UBL3: variants seen among roughly 807,000 people sequenced by gnomAD.
UBL3 encodes the protein ubiquitin like 3.
In UBL3, 6 loss-of-function variants were observed where a neutral mutation model predicts 18.4. The ratio of observed to expected loss-of-function variants is 0.33; its 90% CI spans 0.18 to 0.64. UBL3 has a LOEUF of 0.64. Among genes scored for constraint, UBL3 ranks in the 30% least tolerant of loss-of-function variants. The probability of loss-of-function intolerance (pLI) is 0.76; values close to 1 mark genes in which losing one functional copy is unlikely to be tolerated. For synonymous variants in UBL3, 49 were observed against 46.6 expected (o/e 1.05, Z -0.21); for missense variants, 109 against 142.9 (o/e 0.76, Z 1.21).
rs1879094712 is a variant in UBL3, at chr13:29,841,344, A to C, written c.27+8168T>G. On this transcript the variant is annotated intron_variant, in intron 1 of 4. Coordinates refer to ENST00000380680, the MANE Select transcript of UBL3 (RefSeq NM_007106.4). ...AAAACAAAATGCCCCGAAATCACTA[A>C]ATCCTTTACAAGTCAATCTATTTGT... Among the ~76,000 whole-genome samples, 3 of 152,202 alleles carry C rather than the reference A, an allele frequency of 2.0e-5. No individual in the cohort carries two copies. In the South Asian group the frequency reaches 6.2e-4, roughly 32 times the overall value.
chr13:29,800,539 CAT>C (rs1322705729), intron 1 of UBL3, among the ~76,000 whole-genome samples: 4 of 152,066 alleles, frequency 2.6e-5, no homozygotes, highest in South Asian at 2.1e-4. Context: ...AAAGCTATGA[CAT>C]ATAAAAATGT....
chr13:29,802,051 A>G (rs1276485959), intron 1 of UBL3, among the ~76,000 whole-genome samples: 1 of 152,188 alleles, frequency 6.6e-6, no homozygotes, highest in African/African-American at 2.4e-5. Context: ...AGGAGCCCAC[A>G]CTTTCAGAGC....
At chr13:29,846,416 A>T (rs184428039) in intron 1 of UBL3, among the ~76,000 whole-genome samples, 1 of 152,244 alleles carries the variant, frequency 6.6e-6, no homozygotes, top group African/African-American at 2.4e-5. Flanking sequence ...CAGCAAATCC[A>T]TTCACTACGG....
At chr13:29,781,863 T>C (rs926077240) in intron 1 of UBL3, among the ~76,000 whole-genome samples, 1 of 140,262 alleles carries the variant, frequency 7.1e-6, no homozygotes, top group Admixed American at 7.2e-5. Flanking sequence ...CCAGGTGTGG[T>C]GGCACATGCC....
chr13:29,796,399 T>G (rs1466861671), intron 1 of UBL3, among the ~76,000 whole-genome samples: 1 of 152,210 alleles, frequency 6.6e-6, no homozygotes, highest in African/African-American at 2.4e-5. Flanking sequence ...TAAACTGCAA[T>G]TATAAATTAA....
intron 1 of UBL3, among the ~76,000 whole-genome samples, chr13:29,808,007 C>T (rs970660947): frequency 3.9e-5 from 6 of 152,106 alleles, no homozygotes; most frequent in Admixed American, 2.6e-4. Context: ...GATTAACAAA[C>T]ATGCATTAAA....
At chr13:29,815,522 C>T (rs1318945805) in intron 1 of UBL3, among the ~76,000 whole-genome samples, 1 of 152,096 alleles carries the variant, frequency 6.6e-6, no homozygotes, top group Non-Finnish European at 1.5e-5. Context: ...ATATGTATAA[C>T]CCACAGCTAA....
At chr13:29,798,275 C>G (rs1877668389) in intron 1 of UBL3, among the ~76,000 whole-genome samples, 1 of 152,164 alleles carries the variant, frequency 6.6e-6, no homozygotes, top group Non-Finnish European at 1.5e-5. Context: ...ATCCGACCAC[C>G]TCAGCCTCCC....
chr13:29,798,573 G>A (rs1877676017), intron 1 of UBL3, among the ~76,000 whole-genome samples: 2 of 152,100 alleles, frequency 1.3e-5, no homozygotes, highest in African/African-American at 4.8e-5. Context: ...CTAAATATGT[G>A]CAATCATTCT....
chr13:29,805,023 C>T (rs994874627), intron 1 of UBL3, among the ~76,000 whole-genome samples: 1 of 152,084 alleles, frequency 6.6e-6, no homozygotes, highest in Non-Finnish European at 1.5e-5. Context: ...TCTCAGGTAA[C>T]AGTACTAACT....
At chr13:29,811,166 G>A (rs1565996268) in intron 1 of UBL3, among the ~76,000 whole-genome samples, 1 of 152,056 alleles carries the variant, frequency 6.6e-6, no homozygotes, top group Non-Finnish European at 1.5e-5. Context: ...GGAAAGCAGA[G>A]CAAGTAGACA....
chr13:29,842,781 A>G (rs964639804), intron 1 of UBL3, among the ~76,000 whole-genome samples: 1 of 152,196 alleles, frequency 6.6e-6, no homozygotes, highest in African/African-American at 2.4e-5. Context: ...CTATCAAGAA[A>G]CTGCATCTCT....
intron 1 of UBL3, among the ~76,000 whole-genome samples, chr13:29,781,606 G>A (rs570895645): frequency 2.0e-5 from 3 of 152,026 alleles, no homozygotes; most frequent in Admixed American, 6.5e-5. Context: ...GATAATAGGG[G>A]AGGCCGTGCA....
intron 2 of UBL3, among the ~76,000 whole-genome samples, chr13:29,775,226 C>T (rs1399333514): frequency 1.3e-5 from 2 of 152,074 alleles, no homozygotes; most frequent in African/African-American, 4.8e-5. Context: ...TTTGCATTTT[C>T]TGAATCAATC....
chr13:29,840,787 C>T (rs1454808760), intron 1 of UBL3, among the ~76,000 whole-genome samples: 2 of 152,074 alleles, frequency 1.3e-5, no homozygotes, highest in Non-Finnish European at 2.9e-5. Flanking sequence ...TAAGAATATC[C>T]ATTATGTCAT....
chr13:29,775,638 C>T (rs1360716330), intron 2 of UBL3, among the ~76,000 whole-genome samples: 2 of 151,734 alleles, frequency 1.3e-5, no homozygotes, highest in African/African-American at 2.4e-5. Context: ...TTTTTTGAGA[C>T]AGAGTCTTGC....
chr13:29,793,061 C>T (rs1051370446), intron 1 of UBL3, among the ~76,000 whole-genome samples: 1 of 152,076 alleles, frequency 6.6e-6, no homozygotes, highest in Non-Finnish European at 1.5e-5. Context: ...CAAAACACTT[C>T]GTATTACAAT....
intron 1 of UBL3, 97 bp from the exon 2 acceptor site, chr13:29,777,360 A>T (rs1448252898): frequency 9.0e-6 from 8 of 884,418 alleles, no homozygotes; most frequent in Non-Finnish European, 3.5e-6. Context: ...ATCCTAAATT[A>T]TTACCAATGC....
rs546194845 is a variant in UBL3 at position 29,765,135 on chromosome 13, C to T, written c.*2120G>A. On this transcript the variant is annotated 3_prime_UTR_variant, in exon 5 of 5. Transcript: ENST00000380680. ...CACACAGAAAAATATATTGAAAAACCAATAGAGAATTATTTTTAACCATCA... is the reference window on the plus strand; with the variant it reads ...CACACAGAAAAATATATTGAAAAACTAATAGAGAATTATTTTTAACCATCA... 2 of 151,422 alleles carry T rather than the reference C, an allele frequency of 1.3e-5. No individual in the cohort carries two copies. Among genetic ancestry groups the T allele is most frequent in the African/African-American group, 4.9e-5 (2 of 41,208 alleles). The allele number at this position is 151,422 out of a possible 1,614,324, so 9.4% of individuals were successfully genotyped here.
Sources: allele counts gnomAD v4.1 joint callset (sites outside exome capture counted in the v4.1 genomes callset), GRCh38; gene constraint gnomAD v4.1.1; transcripts MANE v1.5; gene names NCBI Gene and HGNC (gene_info 2026-07-23, HGNC 2026-07-21).